BAHCC1: variants seen among roughly 807,000 people sequenced by gnomAD.
BAHCC1 encodes BAH and coiled-coil domain-containing protein 1.
A neutral mutation model predicts 88.2 loss-of-function variants in BAHCC1; 43 were observed. The observed-to-expected ratio is 0.49, with a 90% CI of 0.38 to 0.63. The LOEUF (loss-of-function observed/expected upper bound fraction) is 0.63. Ranked by LOEUF, BAHCC1 falls within the 20% of genes least tolerant of loss-of-function variation. BAHCC1 has a pLI of 0.00. For synonymous variants in BAHCC1, 1,510 were observed against 745.5 expected, an observed-to-expected ratio of 2.03 and a Z score of -16.71; for missense variants, 3,023 against 1,654.8, an observed-to-expected ratio of 1.83 and a Z score of -14.34.
chr17:81,408,989 G>A (rs1356179466), intron 2 of BAHCC1, among the ~76,000 whole-genome samples: 1 of 152,232 alleles, frequency 6.6e-6, no homozygotes, highest in Non-Finnish European at 1.5e-5. Context: ...TGGGTGTGAA[G>A]AGCTCTGCTT....
At chr17:81,415,296 GT>G (rs1457471226) in intron 2 of BAHCC1, among the ~76,000 whole-genome samples, 1 of 152,242 alleles carries the variant, frequency 6.6e-6, no homozygotes, top group African/African-American at 2.4e-5. Context: ...GCCTCTTGGG[GT>G]CGCAGCAGGG....
intron 2 of BAHCC1, among the ~76,000 whole-genome samples, chr17:81,416,050 G>A (rs1324763379): frequency 1.3e-5 from 2 of 149,858 alleles, no homozygotes; most frequent in South Asian, 2.1e-4. Context: ...GCATGTGTGC[G>A]TGTGTGTCCA....
Position 81,434,962 on chromosome 17 carries a change from G to T in BAHCC1, c.359-3408G>T, listed in dbSNP as rs1418400668. 6.6e-6 allele frequency among the ~76,000 whole-genome samples: 1 copy of T among 152,018 alleles called. No individual in the cohort carries two copies. Among genetic ancestry groups the T allele is most frequent in the Non-Finnish European group, 1.5e-5 (1 of 67,960 alleles). On this transcript the variant is annotated intron_variant, in intron 3 of 27. Coordinates refer to ENST00000675386, the MANE Select transcript of BAHCC1 (RefSeq NM_001377448.1). This position sits in a 1 kb window ranked among gnomAD's most constrained non-coding sequence, Gnocchi z 4.9. The stretch of plus-strand genomic sequence containing the variant: ...TGGGGGCTCCTCCTCCCTCCCCAGG[G>T]GTGAGAAGCCACCAGGCCTCCCTTC...
chr17:81,407,655 T>G (rs1356330495), intron 2 of BAHCC1, among the ~76,000 whole-genome samples: 2 of 152,046 alleles, frequency 1.3e-5, no homozygotes, highest in Non-Finnish European at 2.9e-5. Context: ...CTGGCAGGGG[T>G]TTCCTGGCTC....
chr17:81,403,784 C>CGCGAGCCCAAAGGA (rs2063845810), intron 2 of BAHCC1, among the ~76,000 whole-genome samples: 1 of 152,170 alleles, frequency 6.6e-6, no homozygotes, highest in Non-Finnish European at 1.5e-5. Flanking sequence ...TCAAAGTTGC[C>CGCGAGCCCAAAGGA]GCGAGCCCAA....
chr17:81,397,410 AAAC>A (rs1342049981), intron 1 of BAHCC1, among the ~76,000 whole-genome samples: 6 of 147,546 alleles, frequency 4.1e-5, no homozygotes, highest in Admixed American at 6.7e-5. Flanking sequence ...AAAAAAAAAA[AAAC>A]AACCACAAAA....
Position 81,451,958 on chromosome 17 carries a change from C to CG in BAHCC1, c.4180-13_4180-12insG. 5.6e-6 allele frequency: 3 copies of CG among 539,928 alleles called. No individual in the cohort carries two copies. The highest frequency in any genetic ancestry group is 2.7e-4 in the Middle Eastern group (1 of 3,746). 33.4% of individuals were successfully genotyped at this position (539,928 alleles called of 1,614,324 possible). On this transcript the variant is annotated splice_polypyrimidine_tract_variant and intron_variant, in intron 12 of 27. Transcript: ENST00000675386. ...CTGGCCCGGCTCACAGGCCCCTGTG[C>CG]CCCCCCCACCAGGTGTGCCCCCTGA...
At chr17:81,455,605 G>A (rs921206718) in intron 15 of BAHCC1, among the ~76,000 whole-genome samples, 3 of 152,304 alleles carry the variant, frequency 2.0e-5, no homozygotes, top group Non-Finnish European at 4.4e-5. Flanking sequence ...GCCGCCACTT[G>A]CCCACGTCAC....
rs2063775538 is a variant in BAHCC1 at position 81,399,013 on chromosome 17, A to C, written c.-206-521A>C. Among the ~76,000 whole-genome samples the C allele has an allele frequency of 6.6e-6, 1 of 151,604 alleles. No homozygotes were observed. Among genetic ancestry groups the C allele is most frequent in the African/African-American group, 2.4e-5 (1 of 41,198 alleles). On this transcript the variant is annotated intron_variant, in intron 1 of 27. Coordinates refer to ENST00000675386, the MANE Select transcript of BAHCC1 (RefSeq NM_001377448.1). This position sits in a 1 kb window ranked among gnomAD's most constrained non-coding sequence, Gnocchi z 4.5. Reference sequence around the variant, plus strand: ...ATGGTTATTCGGTTAAGCGGAATGCAGTAAAAGCTGGACCTCGGCATGAGG... The same window carrying C: ...ATGGTTATTCGGTTAAGCGGAATGCCGTAAAAGCTGGACCTCGGCATGAGG...
At chr17:81,426,739 C>G in intron 2 of BAHCC1, 61 bp from the exon 3 acceptor site, 1 of 398,354 alleles carries the variant, frequency 2.5e-6, no homozygotes, top group Middle Eastern at 6.3e-4. Flanking sequence ...GTTGCCCCTG[C>G]CCTGCCTCAG....
intron 2 of BAHCC1, among the ~76,000 whole-genome samples, chr17:81,416,090 G>A (rs1407329404): frequency 6.6e-6 from 1 of 151,098 alleles, no homozygotes; most frequent in Non-Finnish European, 1.5e-5. Context: ...GTGTGTGCGT[G>A]TGTGTCCATG....
chr17:81,402,521 A>G (rs1459447849), intron 2 of BAHCC1: 1 of 151,772 alleles, frequency 6.6e-6, no homozygotes, highest in Non-Finnish European at 1.5e-5. Flanking sequence ...CTTGCTTCCC[A>G]TTTTCCTGGA....
intron 2 of BAHCC1, among the ~76,000 whole-genome samples, chr17:81,416,079 C>T (rs544428089): frequency 5.6e-5 from 7 of 124,926 alleles, no homozygotes; most frequent in African/African-American, 9.5e-5. Context: ...GGTGTATGTG[C>T]GTGTGTGCGT....
chr17:81,441,032 A>G (rs1555652410), intron 4 of BAHCC1, among the ~76,000 whole-genome samples: 1 of 152,162 alleles, frequency 6.6e-6, no homozygotes, highest in African/African-American at 2.4e-5. Context: ...AAGACCCAGC[A>G]GAGATGCTCT....
intron 2 of BAHCC1, among the ~76,000 whole-genome samples, chr17:81,419,889 C>T (rs1555649410): frequency 6.6e-6 from 1 of 151,730 alleles, no homozygotes; most frequent in East Asian, 1.9e-4. Context: ...GCTCGCTCTG[C>T]CGGCTCCGCG....
At chr17:81,443,645 C>T (rs1268308824) in intron 5 of BAHCC1, 81 bp downstream of exon 5, 2 of 623,652 alleles carry the variant, frequency 3.2e-6, no homozygotes, top group African/African-American at 1.8e-5. Flanking sequence ...CCCGGCTCCC[C>T]AGCTCCCACA....
In BAHCC1 at chr17:81,444,243, G is replaced by T. The variant is rs2064478751; in HGVS notation, c.2325-138G>T. ...GTTCTCCCTCCCAGGTTGATGGCAGGGGGTGGGACAGGGAGTCAGGCATTG... is the reference window on the plus strand; with the variant it reads ...GTTCTCCCTCCCAGGTTGATGGCAGTGGGTGGGACAGGGAGTCAGGCATTG... On this transcript the variant is annotated intron_variant, in intron 6 of 27. Coordinates refer to ENST00000675386, the MANE Select transcript of BAHCC1 (RefSeq NM_001377448.1). 6 of 618,456 alleles carry T rather than the reference G, an allele frequency of 9.7e-6. No homozygotes were observed. The Admixed American group carries it at 1.6e-4, about 16-fold the overall frequency. The allele number at this position is 618,456 out of a possible 1,614,324, so 38.3% of individuals were successfully genotyped here. A position where few individuals can be genotyped will look rare whatever the true frequency, so the allele number is the denominator to read the frequency against.
chr17:81,415,640 G>A (rs1555648527), intron 2 of BAHCC1: 1 of 485,784 alleles, frequency 2.1e-6, no homozygotes, highest in Non-Finnish European at 4.1e-6. Context: ...TTGGCACCTG[G>A]TCCTTCTTAG....
At chr17:81,421,899 G>T in intron 2 of BAHCC1, 1 of 381,604 alleles carries the variant, frequency 2.6e-6, no homozygotes, top group South Asian at 1.9e-5. Context: ...GGTGCAGCAT[G>T]CGACCCCATG....
Sources: gnomAD v4.1 joint callset for allele counts (sites outside exome capture counted in the v4.1 genomes callset) on GRCh38, gnomAD v4.1.1 for gene constraint, Gnocchi (gnomAD v3.1) non-coding constraint, MANE v1.5 for transcripts, NCBI Gene and HGNC (gene_info 2026-07-23, HGNC 2026-07-21) for gene names.